Variants in MAP2K6 observed in about 807,000 individuals in gnomAD.
MAP2K6 encodes the protein dual specificity mitogen-activated protein kinase kinase 6.
A neutral mutation model predicts 53.7 loss-of-function variants in MAP2K6; 16 were observed. That is an observed-to-expected ratio of 0.30 (90% CI 0.20 to 0.45). MAP2K6 has a LOEUF of 0.45. MAP2K6 is among the 20% of genes least tolerant of loss of function. The pLI is 1.00. For missense variants in MAP2K6, 204 were observed against 411.9 expected (o/e 0.50, Z 4.37); for synonymous variants, 132 against 143.1 (o/e 0.92, Z 0.55).
intron 10 of MAP2K6, among the ~76,000 whole-genome samples, chr17:69,534,608 A>G (rs1489801599): frequency 6.6e-6 from 1 of 151,584 alleles, no homozygotes; most frequent in Non-Finnish European, 1.5e-5. Context: ...ACAGTTTCTC[A>G]AAGTGCCTGA....
chr17:69,444,170 C>A (rs751440156), intron 1 of MAP2K6, among the ~76,000 whole-genome samples: 2 of 152,114 alleles, frequency 1.3e-5, no homozygotes, highest in Non-Finnish European at 2.9e-5. Context: ...TACCATTGAA[C>A]TACAATTTGG....
chr17:69,485,548 T>G (rs950443459), intron 1 of MAP2K6: 21 of 724,578 alleles, frequency 2.9e-5, no homozygotes, highest in Non-Finnish European at 3.5e-5. Flanking sequence ...TTCCTAATGT[T>G]TCTTGGCTTC....
chr17:69,544,320 T>C lies in MAP2K6; in HGVS notation c.*2567T>C, dbSNP rs1276457411. The stretch of plus-strand genomic sequence containing the variant: ...TTATTAAATATCTTACACGGTAAAG[T>C]CAAAAGAATGACCTGATAGCCTCAC... On this transcript the variant is annotated 3_prime_UTR_variant, in exon 12 of 12. Coordinates refer to ENST00000590474, the MANE Select transcript of MAP2K6 (RefSeq NM_002758.4). 6.6e-6 allele frequency: 1 copy of C among 152,162 alleles called. No individual in the cohort carries two copies. Among genetic ancestry groups the C allele is most frequent in the Non-Finnish European group, 1.5e-5 (1 of 68,032 alleles). The allele number at this position is 152,162 out of a possible 1,614,324, so 9.4% of individuals were successfully genotyped here. A position where few individuals can be genotyped will look rare whatever the true frequency, so the allele number is the denominator to read the frequency against.
At chr17:69,447,082 A>G (rs1211834146) in intron 1 of MAP2K6, among the ~76,000 whole-genome samples, 1 of 151,068 alleles carries the variant, frequency 6.6e-6, no homozygotes, top group Non-Finnish European at 1.5e-5. Context: ...GGTTCAAGCA[A>G]TTCTCCTGCC....
intron 7 of MAP2K6, chr17:69,521,824 A>AAC (rs1438821080): frequency 2.9e-4 from 43 of 149,514 alleles, no homozygotes; most frequent in Middle Eastern, 3.4e-3. Context: ...AAAAAAAAAA[A>AAC]AAAAAAAAAC....
chr17:69,532,318 C>A (rs981671439), intron 10 of MAP2K6, among the ~76,000 whole-genome samples: 2 of 152,148 alleles, frequency 1.3e-5, no homozygotes, highest in African/African-American at 4.8e-5. Context: ...TGGAAATGAT[C>A]GGGGGAATTC....
chr17:69,427,416 A>G (rs1215215334), intron 1 of MAP2K6, among the ~76,000 whole-genome samples: 1 of 152,216 alleles, frequency 6.6e-6, no homozygotes, highest in East Asian at 1.9e-4. Flanking sequence ...AAAGATAAAC[A>G]TATAAAAATA....
intron 11 of MAP2K6, among the ~76,000 whole-genome samples, chr17:69,537,988 G>A (rs906816583): frequency 2.6e-5 from 4 of 151,994 alleles, no homozygotes; most frequent in Admixed American, 1.3e-4. Context: ...AGTTATTCTT[G>A]TAGGATACTA....
intron 1 of MAP2K6, among the ~76,000 whole-genome samples, chr17:69,479,187 G>T (rs1238560593): frequency 6.6e-6 from 1 of 152,144 alleles, no homozygotes; most frequent in Non-Finnish European, 1.5e-5. Context: ...CGATGAAAGA[G>T]ATGACTACAA....
At chr17:69,535,738 A>G (rs944873519) in intron 10 of MAP2K6, among the ~76,000 whole-genome samples, 1 of 152,260 alleles carries the variant, frequency 6.6e-6, no homozygotes, top group African/African-American at 2.4e-5. Context: ...ACAAATGGCA[A>G]TGTAAGAAAC....
intron 1 of MAP2K6, among the ~76,000 whole-genome samples, chr17:69,467,165 G>T (rs1737643794): frequency 6.6e-6 from 1 of 152,202 alleles, no homozygotes; most frequent in African/African-American, 2.4e-5. Context: ...CTTCATACCT[G>T]CATCCTAGGC....
chr17:69,441,661 G>A (rs529869742), intron 1 of MAP2K6, among the ~76,000 whole-genome samples: 1 of 152,282 alleles, frequency 6.6e-6, no homozygotes, highest in Non-Finnish European at 1.5e-5. Context: ...GGTATGACAA[G>A]TGACTTTTGA....
intron 1 of MAP2K6, among the ~76,000 whole-genome samples, chr17:69,455,037 T>TA (rs1907356864): frequency 4.0e-5 from 1 of 25,186 alleles, no homozygotes. Context: ...CTATTATTAT[T>TA]TTTTTTTTTT....
intron 1 of MAP2K6, among the ~76,000 whole-genome samples, chr17:69,500,256 A>G (rs549139090): frequency 6.6e-6 from 1 of 151,994 alleles, no homozygotes; most frequent in East Asian, 1.9e-4. Context: ...CCTGGTCAAC[A>G]TGGCGAAACC....
intron 10 of MAP2K6, among the ~76,000 whole-genome samples, chr17:69,528,349 A>T (rs571903359): frequency 6.6e-6 from 1 of 152,124 alleles, no homozygotes; most frequent in African/African-American, 2.4e-5. Context: ...CTAGTGTAAT[A>T]GTTGTTGGAT....
In MAP2K6 at chr17:69,520,116, C is replaced by T. The variant is rs573969678; in HGVS notation, c.367-154C>T. On this transcript the variant is annotated intron_variant, in intron 5 of 11. Transcript: ENST00000590474. ...AGATAACCTTGCTTATTTGTAAATTCCTTTATGATCTTGACAGAAGACACT... is the reference window on the plus strand; with the variant it reads ...AGATAACCTTGCTTATTTGTAAATTTCTTTATGATCTTGACAGAAGACACT... The T allele has an allele frequency of 3.8e-5, 22 of 573,884 alleles. No homozygotes were observed. In the South Asian group the frequency reaches 4.4e-4, roughly 11 times the overall value. The allele number at this position is 573,884 out of a possible 1,614,324, so 35.5% of individuals were successfully genotyped here. A position where few individuals can be genotyped will look rare whatever the true frequency, so the allele number is the denominator to read the frequency against.
At chr17:69,421,819 A>G (rs1194844851) in intron 1 of MAP2K6, among the ~76,000 whole-genome samples, 1 of 152,052 alleles carries the variant, frequency 6.6e-6, no homozygotes, top group Non-Finnish European at 1.5e-5. Context: ...CTGGGATTAC[A>G]GGTGTGAGCC....
intron 1 of MAP2K6, among the ~76,000 whole-genome samples, chr17:69,447,706 G>A (rs1907020722): frequency 6.6e-6 from 1 of 152,228 alleles, no homozygotes; most frequent in Admixed American, 6.5e-5. Flanking sequence ...GGAGGAGGAA[G>A]GAGATGAAGA....
At chr17:69,523,486 A>G in intron 7 of MAP2K6, 28 bp from the exon 8 acceptor site, 2 of 1,611,522 alleles carry the variant, frequency 1.2e-6, no homozygotes, top group Non-Finnish European at 1.7e-6. Flanking sequence ...GGCTGAAATG[A>G]TGGCATCCTG....
Sources: allele counts gnomAD v4.1 joint callset (sites outside exome capture counted in the v4.1 genomes callset), GRCh38; gene constraint gnomAD v4.1.1; transcripts MANE v1.5; gene names NCBI Gene and HGNC (gene_info 2026-07-23, HGNC 2026-07-21).